The following MAST2 variants were observed in gnomAD, a reference collection of about 807,000 sequenced individuals.
MAST2 encodes the protein microtubule associated serine/threonine kinase 2, also known as microtubule-associated serine/threonine-protein kinase 2.
In MAST2, 70 loss-of-function variants were observed where a neutral mutation model predicts 147.4. The ratio of observed to expected loss-of-function variants is 0.47; its 90% CI spans 0.39 to 0.58. The LOEUF is 0.58. Ranked by LOEUF, MAST2 falls within the 20% of genes least tolerant of loss-of-function variation. The probability of loss-of-function intolerance (pLI) is 0.00; values close to 1 mark genes in which losing one functional copy is unlikely to be tolerated. For missense variants in MAST2, 2,080 were observed against 2,302.3 expected, an observed-to-expected ratio of 0.90 and a Z score of 1.98; for synonymous variants, 869 against 896.8, an observed-to-expected ratio of 0.97 and a Z score of 0.55.
intron 4 of MAST2, among the ~76,000 whole-genome samples, chr1:45,925,611 A>G (rs770669911): frequency 5.3e-5 from 8 of 152,206 alleles, no homozygotes; most frequent in Non-Finnish European, 1.2e-4. Flanking sequence ...TAACAGCTTA[A>G]TGGAACACAG....
chr1:45,901,664 A>G (rs1485498688), intron 4 of MAST2, among the ~76,000 whole-genome samples: 2 of 152,098 alleles, frequency 1.3e-5, no homozygotes, highest in Admixed American at 1.3e-4. Flanking sequence ...TTCTTTCATC[A>G]GTGTTCTTTA....
At chr1:45,863,796 T>G (rs1045944534) in intron 3 of MAST2, among the ~76,000 whole-genome samples, 4 of 152,238 alleles carry the variant, frequency 2.6e-5, no homozygotes, top group Non-Finnish European at 5.9e-5. Flanking sequence ...TTAGGGAATT[T>G]GGATTCGTGT....
At chr1:45,876,806 A>G (rs1331763657) in intron 3 of MAST2, among the ~76,000 whole-genome samples, 1 of 152,176 alleles carries the variant, frequency 6.6e-6, no homozygotes, top group Non-Finnish European at 1.5e-5. Context: ...GGAAGTCGGA[A>G]GGGATGGATT....
At chr1:45,990,946 G>A (rs1005289596) in intron 5 of MAST2, among the ~76,000 whole-genome samples, 20 of 151,648 alleles carry the variant, frequency 1.3e-4, no homozygotes, top group Middle Eastern at 6.3e-3. Flanking sequence ...AAAATTCATC[G>A]CCAAACCCAA....
chr1:45,918,909 A>C (rs895002360), intron 4 of MAST2, among the ~76,000 whole-genome samples: 3 of 152,018 alleles, frequency 2.0e-5, no homozygotes, highest in Admixed American at 2.0e-4. Context: ...GTTCAAGACC[A>C]CTCACAAGTT....
intron 6 of MAST2, among the ~76,000 whole-genome samples, chr1:46,000,287 C>T (rs1246544810): frequency 6.6e-6 from 1 of 152,190 alleles, no homozygotes; most frequent in Non-Finnish European, 1.5e-5. Context: ...GCACTCCAGC[C>T]TGGGCGACAG....
At chr1:45,912,952 A>C (rs1025672951) in intron 4 of MAST2, among the ~76,000 whole-genome samples, 2 of 152,204 alleles carry the variant, frequency 1.3e-5, no homozygotes, top group African/African-American at 4.8e-5. Context: ...TTCATTTTAC[A>C]GGTGGGGAAA....
chr1:45,852,590 C>T (rs1208554898), intron 3 of MAST2, among the ~76,000 whole-genome samples: 2 of 150,060 alleles, frequency 1.3e-5, no homozygotes, highest in African/African-American at 2.5e-5. Flanking sequence ...AGACTGGTCT[C>T]GAACTCCTGG....
intron 4 of MAST2, among the ~76,000 whole-genome samples, chr1:45,911,906 C>T (rs1157697910): frequency 1.4e-5 from 2 of 138,728 alleles, no homozygotes; most frequent in South Asian, 4.7e-4. Context: ...TATTATGTAG[C>T]CTGGTCTCGG....
At chr1:45,954,821 A>G (rs1278072936) in intron 4 of MAST2, among the ~76,000 whole-genome samples, 1 of 152,206 alleles carries the variant, frequency 6.6e-6, no homozygotes, top group Non-Finnish European at 1.5e-5. Flanking sequence ...GTGGCCTGGA[A>G]ATACGATCTT....
rs147962557 is a variant in MAST2 at position 45,951,979 on chromosome 1, C to T, written c.501-7407C>T. 5.6e-4 allele frequency among the ~76,000 whole-genome samples: 86 copies of T among 152,304 alleles called. 1 individual carries two copies. Among genetic ancestry groups the T allele is most frequent in the Non-Finnish European group, 1.1e-3 (73 of 68,020 alleles). ...ATAATAAATAAAAATAAATCCCCAT[C>T]TAGATACATTGCAGTACTGCAGAGC... On this transcript the variant is annotated intron_variant, in intron 4 of 28. Coordinates refer to ENST00000361297, the MANE Select transcript of MAST2 (RefSeq NM_015112.3).
At chr1:45,907,909 C>G (rs1474475081) in intron 4 of MAST2, among the ~76,000 whole-genome samples, 3 of 152,012 alleles carry the variant, frequency 2.0e-5, no homozygotes, top group Admixed American at 2.0e-4. Context: ...AACTTTTTGT[C>G]TATTTTAAAT....
intron 5 of MAST2, among the ~76,000 whole-genome samples, chr1:45,988,442 C>G (rs373792471): frequency 3.9e-5 from 6 of 152,262 alleles, no homozygotes; most frequent in African/African-American, 1.4e-4. Context: ...TCATTGTAGT[C>G]AGAAAACATA....
intron 5 of MAST2, among the ~76,000 whole-genome samples, chr1:45,981,955 C>G (rs1296606464): frequency 6.6e-6 from 1 of 151,724 alleles, no homozygotes; most frequent in East Asian, 1.9e-4. Flanking sequence ...ATTCCCCTGC[C>G]TCAGCCTCAG....
intron 10 of MAST2, among the ~76,000 whole-genome samples, chr1:46,013,621 G>A (rs772887461): frequency 2.0e-5 from 3 of 151,760 alleles, no homozygotes; most frequent in Non-Finnish European, 2.9e-5. Flanking sequence ...TGGAGGTTGC[G>A]GTGAGCCAAG....
chr1:45,824,323 A>C, intron 1 of MAST2, 110 bp from the exon 2 acceptor site: 1 of 699,054 alleles, frequency 1.4e-6, no homozygotes, highest in Non-Finnish European at 2.1e-6. Flanking sequence ...GAAGTATAAT[A>C]TTTTGGCACT....
At chr1:45,919,636 G>A (rs1485340319) in intron 4 of MAST2, among the ~76,000 whole-genome samples, 1 of 152,148 alleles carries the variant, frequency 6.6e-6, no homozygotes, top group Non-Finnish European at 1.5e-5. Context: ...ACGTACTAGC[G>A]CTTGGCGTAT....
At chr1:45,846,837 A>T (rs1645454005) in intron 3 of MAST2, among the ~76,000 whole-genome samples, 1 of 152,184 alleles carries the variant, frequency 6.6e-6, no homozygotes, top group African/African-American at 2.4e-5. Context: ...AAAAAAAAAA[A>T]AATTAATAAC....
At chr1:45,865,436 G>T (rs1646113487) in intron 3 of MAST2, among the ~76,000 whole-genome samples, 1 of 152,150 alleles carries the variant, frequency 6.6e-6, no homozygotes, top group Admixed American at 6.6e-5. Flanking sequence ...CATTACTGCT[G>T]ACAGATTGTT....
Sources: gnomAD v4.1 joint callset for allele counts (sites outside exome capture counted in the v4.1 genomes callset) on GRCh38, gnomAD v4.1.1 for gene constraint, MANE v1.5 for transcripts, NCBI Gene and HGNC (gene_info 2026-07-23, HGNC 2026-07-21) for gene names.